Variants in HYKK observed in about 807,000 individuals in gnomAD.
HYKK encodes the protein 5-hydroxy-L-lysine kinase.
HYKK carries 19 observed loss-of-function variants against 29.7 expected under a neutral mutation model. The observed-to-expected ratio is 0.64, with a 90% CI of 0.45 to 0.94. The LOEUF (loss-of-function observed/expected upper bound fraction) is 0.94, where lower values mean the gene tolerates loss of function less well. HYKK is among the 40% of genes least tolerant of loss of function. The pLI, the probability that HYKK is intolerant of heterozygous loss-of-function variation, is 0.00. For synonymous variants in HYKK, 152 were observed against 158.1 expected, an observed-to-expected ratio of 0.96 and a Z score of 0.29; for missense variants, 390 against 443.4, an observed-to-expected ratio of 0.88 and a Z score of 1.08.
At chr15:78,528,288 C>A in intron 4 of HYKK, 2 of 258,778 alleles carry the variant, frequency 7.7e-6, no homozygotes, top group Non-Finnish European at 1.2e-5. Context: ...GAATCTAATG[C>A]CTGATGATCT....
rs191087634 is a variant in HYKK at position 78,529,796 on chromosome 15, T to A, written c.661+2233T>A. 4.6e-4 allele frequency among the ~76,000 whole-genome samples: 70 copies of A among 152,316 alleles called. 1 individual carries two copies. The East Asian group carries it at 6.0e-3, about 13-fold the overall frequency. On this transcript the variant is annotated intron_variant, in intron 4 of 4. Coordinates refer to ENST00000388988, the MANE Select transcript of HYKK (RefSeq NM_001013619.4). ...TATGTGTTACAAATATTTTGTCCCA[T>A]TCTGTGGCTTGTCTTTTCATGGTAC...
chr15:78,510,478 C>T (rs1295411548), intron 1 of HYKK, among the ~76,000 whole-genome samples: 3 of 152,002 alleles, frequency 2.0e-5, no homozygotes, highest in South Asian at 2.1e-4. Flanking sequence ...GGATTACAGG[C>T]GTGAACCACT....
intron 4 of HYKK, chr15:78,528,422 A>G (rs965862508): frequency 2.9e-5 from 29 of 985,248 alleles, no homozygotes; most frequent in Non-Finnish European, 3.4e-5. Context: ...GTATATATCT[A>G]TCTCCCTGTG....
chr15:78,523,242 A>G (rs1360188931), intron 3 of HYKK, among the ~76,000 whole-genome samples: 2 of 152,232 alleles, frequency 1.3e-5, no homozygotes, highest in Non-Finnish European at 2.9e-5. Context: ...GGCCTCAGGA[A>G]GCTTCTAATC....
At chr15:78,523,589 C>T (rs2052220145) in intron 3 of HYKK, among the ~76,000 whole-genome samples, 2 of 152,168 alleles carry the variant, frequency 1.3e-5, no homozygotes, top group South Asian at 4.1e-4. Context: ...TCTCAACAGT[C>T]CCCCAAAATT....
chr15:78,517,805 C>A (rs2052151674), intron 3 of HYKK, among the ~76,000 whole-genome samples: 1 of 152,138 alleles, frequency 6.6e-6, no homozygotes. Context: ...CCTTCAGTGT[C>A]CTGTGAGCTG....
intron 3 of HYKK, among the ~76,000 whole-genome samples, chr15:78,515,827 A>G (rs1215999665): frequency 6.6e-6 from 1 of 152,068 alleles, no homozygotes; most frequent in East Asian, 1.9e-4. Context: ...TGACCTCGTG[A>G]TCCACCCGCC....
intron 4 of HYKK, among the ~76,000 whole-genome samples, chr15:78,531,470 CCTA>C (rs1278563310): frequency 6.6e-6 from 1 of 152,016 alleles, no homozygotes; most frequent in Admixed American, 6.6e-5. Flanking sequence ...ATATTTTAAT[CCTA>C]CTATGATTAC....
intron 1 of HYKK, among the ~76,000 whole-genome samples, chr15:78,510,035 C>T (rs555229158): frequency 3.9e-5 from 6 of 152,158 alleles, no homozygotes; most frequent in African/African-American, 1.4e-4. Context: ...GGGTGGTTAG[C>T]GTTTGAGGGT....
chr15:78,519,468 C>A (rs547962810), intron 3 of HYKK, among the ~76,000 whole-genome samples: 1 of 152,068 alleles, frequency 6.6e-6, no homozygotes, highest in Admixed American at 6.6e-5. Flanking sequence ...TTAGAAAAAC[C>A]TTTGAACTGG....
intron 2 of HYKK, among the ~76,000 whole-genome samples, chr15:78,514,291 A>C (rs1259452920): frequency 6.6e-6 from 1 of 152,202 alleles, no homozygotes; most frequent in African/African-American, 2.4e-5. Context: ...TAAGGCCGCC[A>C]GTCCTCATCT....
At chr15:78,510,661 C>G (rs2141552811) in intron 1 of HYKK, among the ~76,000 whole-genome samples, 1 of 152,302 alleles carries the variant, frequency 6.6e-6, no homozygotes, top group South Asian at 2.1e-4. Context: ...TAGGCATTAA[C>G]AGGCATATGG....
At chr15:78,510,350 A>AT (rs370211819) in intron 1 of HYKK, among the ~76,000 whole-genome samples, 6,403 of 149,652 alleles carry the variant, frequency 0.043, 463 homozygotes, top group African/African-American at 0.15. Context: ...TGCCCGGCTA[A>AT]TTTTTTTTTT....
chr15:78,537,296 TC>T, downstream of HYKK: 1 of 649,026 alleles, frequency 1.5e-6, no homozygotes, highest in Middle Eastern at 2.5e-4. Context: ...TACTTTACTT[TC>T]AGGACCTAGC....
At chr15:78,520,757 A>G (rs919611734) in intron 3 of HYKK, among the ~76,000 whole-genome samples, 1 of 151,906 alleles carries the variant, frequency 6.6e-6, no homozygotes, top group Non-Finnish European at 1.5e-5. Flanking sequence ...TGTTGGGTAC[A>G]CCTCCCAGAT....
intron 3 of HYKK, among the ~76,000 whole-genome samples, chr15:78,523,125 G>A (rs1303914446): frequency 6.6e-6 from 1 of 152,160 alleles, no homozygotes; most frequent in Admixed American, 6.5e-5. Context: ...TTCTCAAATT[G>A]CTATAAAGAA....
chr15:78,521,843 A>G (rs2141359355), intron 3 of HYKK, among the ~76,000 whole-genome samples: 1 of 152,250 alleles, frequency 6.6e-6, no homozygotes, highest in African/African-American at 2.4e-5. Flanking sequence ...CCAGTACCCC[A>G]TACTAGAGCT....
In HYKK at chr15:78,518,694, G is replaced by A. The variant is rs1224819443; in HGVS notation, c.477+3587G>A. Reference sequence around the variant, plus strand: ...GCACTTTGGGAGGCCGAGGCAGGTGGATCACCTGAAGTCAGGAGTTAGAGA... The same window carrying A: ...GCACTTTGGGAGGCCGAGGCAGGTGAATCACCTGAAGTCAGGAGTTAGAGA... On this transcript the variant is annotated intron_variant, in intron 3 of 4. Transcript: ENST00000388988. The A allele has an allele frequency of 1.4e-5, 6 of 421,608 alleles. No homozygotes were observed. The East Asian group carries it at 4.8e-4, about 34-fold the overall frequency. 26.1% of individuals were successfully genotyped at this position (421,608 alleles called of 1,614,324 possible). A position where few individuals can be genotyped will look rare whatever the true frequency, so the allele number is the denominator to read the frequency against.
intron 3 of HYKK, among the ~76,000 whole-genome samples, chr15:78,517,186 C>A (rs577732340): frequency 2.7e-5 from 4 of 148,046 alleles, no homozygotes; most frequent in African/African-American, 9.9e-5. Flanking sequence ...ACCTCTGCCT[C>A]CCGGGCTCAT....
Sources: allele counts gnomAD v4.1 joint callset (sites outside exome capture counted in the v4.1 genomes callset), GRCh38; gene constraint gnomAD v4.1.1; transcripts MANE v1.5; gene names NCBI Gene and HGNC (gene_info 2026-07-23, HGNC 2026-07-21).